MAP3K4: variants seen among roughly 807,000 people sequenced by gnomAD.
The protein encoded by MAP3K4 is MAP three kinase 1.
MAP3K4 carries 67 observed loss-of-function variants against 185.6 expected under a neutral mutation model. The observed-to-expected ratio is 0.36, with a 90% CI of 0.30 to 0.44. The LOEUF (loss-of-function observed/expected upper bound fraction) is 0.44, where lower values mean the gene tolerates loss of function less well. Among genes scored for constraint, MAP3K4 ranks in the 20% least tolerant of loss-of-function variants. The pLI is 1.00. For synonymous variants in MAP3K4, 702 were observed against 710.4 expected (o/e 0.99, Z 0.19); for missense variants, 1,551 against 1,995.1 (o/e 0.78, Z 4.24).
intron 3 of MAP3K4, among the ~76,000 whole-genome samples, chr6:161,062,242 T>C (rs978607691): frequency 6.6e-6 from 1 of 152,226 alleles, no homozygotes; most frequent in African/African-American, 2.4e-5. Flanking sequence ...TAATTTTCTT[T>C]TACTGCCAGT....
chr6:161,089,406 A>G lies in MAP3K4; in HGVS notation c.2908A>G (p.Met970Val), dbSNP rs1210008431. ...KAFQQSIEGL[M>V]TLCQEQTSSQ... ...TTTCCAGCAGTCCATTGAGGGACTT[A>G]TGACTCTGTGCCAGGAGCAGACATC... Residue 970 changes from methionine to valine, a missense_variant, in exon 11 of 27, where the codon ATG (methionine) becomes GTG (valine). Physicochemically the swap from Met to Val is conservative, Grantham distance 21 (BLOSUM62 1). This residue lies in a region of MAP3K4 where 261 missense variants were observed against 306.5 expected (regional missense o/e 0.85). Transcript: ENST00000392142. The G allele has an allele frequency of 3.7e-6, 6 of 1,614,110 alleles. No individual in the cohort carries two copies. The highest frequency in any genetic ancestry group is 2.7e-5 in the African/African-American group (2 of 74,940).
At chr6:161,005,566 T>G (rs1781545728) in intron 1 of MAP3K4, among the ~76,000 whole-genome samples, 1 of 152,190 alleles carries the variant, frequency 6.6e-6, no homozygotes, top group Non-Finnish European at 1.5e-5. Context: ...ACCTTGGAAA[T>G]TATCTTCAAG....
Position 161,084,766 on chromosome 6 carries a change from C to T in MAP3K4, c.2372+149C>T, listed in dbSNP as rs2114850208. 3 of 506,234 alleles carry T rather than the reference C, an allele frequency of 5.9e-6. No homozygotes were observed. Among genetic ancestry groups the T allele is most frequent in the South Asian group, 3.4e-5 (1 of 29,728 alleles). The allele number at this position is 506,234 out of a possible 1,614,324, so 31.4% of individuals were successfully genotyped here. A position where few individuals can be genotyped will look rare whatever the true frequency, so the allele number is the denominator to read the frequency against. On this transcript the variant is annotated intron_variant, in intron 7 of 26. Transcript: ENST00000392142. This position sits in a 1 kb window ranked among gnomAD's most constrained non-coding sequence, Gnocchi z 4.6. ...ATGTAAAGGGATTTATTTATAACTG[C>T]CTTGTCTTTTCATGTGATTTCTTAG...
intron 2 of MAP3K4, among the ~76,000 whole-genome samples, chr6:161,041,897 CTTGAG>C (rs1219820440): frequency 2.8e-5 from 4 of 145,376 alleles, no homozygotes; most frequent in South Asian, 2.2e-4. Context: ...GGGTAAAGGC[CTTGAG>C]TTATTGTTTC....
intron 2 of MAP3K4, among the ~76,000 whole-genome samples, chr6:161,041,054 C>G (rs1783426678): frequency 6.6e-6 from 1 of 152,174 alleles, no homozygotes; most frequent in East Asian, 1.9e-4. Flanking sequence ...GCAGCCATGT[C>G]CAGAGTGTGA....
Position 161,065,129 on chromosome 6 carries a change from G to C in MAP3K4, c.1708-5479G>C, listed in dbSNP as rs945048196. Among the ~76,000 whole-genome samples, 5 of 152,286 alleles carry C rather than the reference G, an allele frequency of 3.3e-5. No individual in the cohort carries two copies. The South Asian group carries it at 6.2e-4, about 19-fold the overall frequency. On this transcript the variant is annotated intron_variant, in intron 3 of 26. Transcript: ENST00000392142. ...CACTAGGAGGAAGTTGTATAAGGCA[G>C]GTATCTGGATCAGCCACATTGAGGA...
intron 19 of MAP3K4, among the ~76,000 whole-genome samples, chr6:161,105,210 G>GT (rs1457294047): frequency 1.3e-5 from 2 of 152,178 alleles, no homozygotes; most frequent in African/African-American, 4.8e-5. Context: ...TGTGTGAAAG[G>GT]TATTTCTTAG....
In MAP3K4 at chr6:161,071,233, CT is replaced by C. The variant is rs1479521868; in HGVS notation, c.1950+386del. On this transcript the variant is annotated intron_variant, in intron 4 of 26. Coordinates refer to ENST00000392142, the MANE Select transcript of MAP3K4 (RefSeq NM_005922.4). This position sits in a 1 kb window ranked among gnomAD's most constrained non-coding sequence, Gnocchi z 4.6. ...GAATAGGCATGGGGAGGGGTTTGGACTTTCTGCTTGCTTAAGCAGTGGTATG... is the reference window on the plus strand; with the variant it reads ...GAATAGGCATGGGGAGGGGTTTGGACTTCTGCTTGCTTAAGCAGTGGTATG... 2.0e-5 allele frequency among the ~76,000 whole-genome samples: 3 copies of C among 152,036 alleles called. No individual in the cohort carries two copies. Among genetic ancestry groups the C allele is most frequent in the Admixed American group, 6.6e-5 (1 of 15,258 alleles).
In MAP3K4 at chr6:161,070,118, A is replaced by G. The variant is rs1784872715; in HGVS notation, c.1708-490A>G. Among the ~76,000 whole-genome samples the G allele has an allele frequency of 6.6e-6, 1 of 152,214 alleles. No homozygotes were observed. Among genetic ancestry groups the G allele is most frequent in the Admixed American group, 6.5e-5 (1 of 15,286 alleles). ...CGTTCATTACAGCTCAGGGGAACAA[A>G]TGGACAGAAGAATTAGTGGAACTGA... On this transcript the variant is annotated intron_variant, in intron 3 of 26. Transcript: ENST00000392142. This position sits in a 1 kb window ranked among gnomAD's most constrained non-coding sequence, Gnocchi z 4.5.
chr6:161,027,658 G>A (rs1782738380), intron 1 of MAP3K4, among the ~76,000 whole-genome samples: 1 of 152,150 alleles, frequency 6.6e-6, no homozygotes, highest in African/African-American at 2.4e-5. Flanking sequence ...CAAGGCTGTA[G>A]CCCTCATTAA....
At position 161,093,826 on chromosome 6, in the gene MAP3K4, C is replaced by G; in HGVS notation, c.3402C>G (p.His1134Gln). The change falls in exon 15 of 27, where the codon CAC becomes CAG. Residue 1134 changes from histidine to glutamine, a missense_variant. By Grantham distance (24) the His-to-Gln change is conservative. Around this residue, in one of 16 missense-constraint regions of MAP3K4, gnomAD observed 272 missense variants for 301.2 expected, o/e 0.90. Transcript: ENST00000392142. The surrounding 1 kb of genome is among the most constrained non-coding windows in gnomAD (Gnocchi z 5.2). ...ECIGHVIGKP[H>Q]SPVTGLYLAI... The stretch of plus-strand genomic sequence containing the variant: ...TTGGCCATGTCATAGGAAAACCACA[C>G]AGTCCTGTTACAGGTTTGTACCTTG... 1 of 1,613,680 alleles carries G rather than the reference C, an allele frequency of 6.2e-7. No individual in the cohort carries two copies. The highest frequency in any genetic ancestry group is 8.5e-7 in the Non-Finnish European group (1 of 1,179,762).
chr6:161,021,716 G>A (rs1357259448), intron 1 of MAP3K4, among the ~76,000 whole-genome samples: 1 of 152,190 alleles, frequency 6.6e-6, no homozygotes, highest in Non-Finnish European at 1.5e-5. Flanking sequence ...TAGATTGAAA[G>A]CTCCATGAGG....
chr6:161,003,808 A>G (rs1371794514), intron 1 of MAP3K4, among the ~76,000 whole-genome samples: 1 of 152,172 alleles, frequency 6.6e-6, no homozygotes, highest in Non-Finnish European at 1.5e-5. Flanking sequence ...TCTTTGTTGT[A>G]CAAGACAAGA....
At chr6:161,040,269 T>TGGAAATATG (rs755655355) in intron 2 of MAP3K4, among the ~76,000 whole-genome samples, 11 of 152,184 alleles carry the variant, frequency 7.2e-5, no homozygotes, top group Non-Finnish European at 1.3e-4. Flanking sequence ...TGAAATTTAC[T>TGGAAATATG]GGAAATATGA....
chr6:161,073,235 T>A lies in MAP3K4; in HGVS notation c.1951-231T>A. On this transcript the variant is annotated intron_variant, in intron 4 of 26. Coordinates refer to ENST00000392142, the MANE Select transcript of MAP3K4 (RefSeq NM_005922.4). The surrounding 1 kb of genome is among the most constrained non-coding windows in gnomAD (Gnocchi z 4.2). ...TTGCCTATATGGTATTTTCTCTGTG[T>A]ATCCATGCTGTAGTATTAAATTCTT... is the stretch of plus-strand genomic sequence containing the variant. The A allele has an allele frequency of 2.8e-6, 1 of 354,460 alleles. No individual in the cohort carries two copies. Among genetic ancestry groups the A allele is most frequent in the South Asian group, 1.4e-4 (1 of 7,402 alleles). The allele number at this position is 354,460 out of a possible 1,614,324, so 22.0% of individuals were successfully genotyped here. A position where few individuals can be genotyped will look rare whatever the true frequency, so the allele number is the denominator to read the frequency against.
intron 1 of MAP3K4, among the ~76,000 whole-genome samples, chr6:161,015,272 A>T (rs562253153): frequency 6.6e-6 from 1 of 151,118 alleles, no homozygotes; most frequent in East Asian, 2.0e-4. Context: ...ACACATGGAC[A>T]CATGGGGGGG....
At chr6:161,029,718 A>G (rs1441948226) in intron 1 of MAP3K4, among the ~76,000 whole-genome samples, 1 of 152,196 alleles carries the variant, frequency 6.6e-6, no homozygotes, top group Non-Finnish European at 1.5e-5. Context: ...GGCTGACCAC[A>G]TTAGCTCATC....
chr6:161,115,427 A>G lies in MAP3K4; in HGVS notation c.4806+125A>G. 6.8e-6 allele frequency: 6 copies of G among 883,886 alleles called. No individual in the cohort carries two copies. The South Asian group carries it at 1.2e-4, about 18-fold the overall frequency. The allele number at this position is 883,886 out of a possible 1,614,324, so 54.8% of individuals were successfully genotyped here. On this transcript the variant is annotated intron_variant, in intron 26 of 26. Coordinates refer to ENST00000392142, the MANE Select transcript of MAP3K4 (RefSeq NM_005922.4). This position sits in a 1 kb window ranked among gnomAD's most constrained non-coding sequence, Gnocchi z 6.0. Reference sequence around the variant, plus strand: ...TCTGAAGTGGAAAGGAACTAAATGTATTATTATGCCAGGGATTTTTGTATG... The same window carrying G: ...TCTGAAGTGGAAAGGAACTAAATGTGTTATTATGCCAGGGATTTTTGTATG...
At chr6:161,009,219 C>T (rs911952614) in intron 1 of MAP3K4, among the ~76,000 whole-genome samples, 9 of 152,048 alleles carry the variant, frequency 5.9e-5, no homozygotes, top group South Asian at 2.1e-4. Flanking sequence ...CTCTTGACCT[C>T]GTCATCCACC....
Sources: gnomAD v4.1 joint callset for allele counts (sites outside exome capture counted in the v4.1 genomes callset) on GRCh38, gnomAD v4.1.1 for gene constraint, gnomAD v4.1.1 regional missense constraint, Gnocchi (gnomAD v3.1) non-coding constraint, MANE v1.5 for transcripts, NCBI Gene and HGNC (gene_info 2026-07-23, HGNC 2026-07-21) for gene names.